Variants in AFG1L observed in about 807,000 individuals in gnomAD.
AFG1L encodes the protein AFG1 like ATPase.
AFG1L carries 53 observed loss-of-function variants against 62.2 expected under a neutral mutation model. The observed-to-expected ratio is 0.85, with a 90% confidence interval of 0.68 to 1.07. The LOEUF (loss-of-function observed/expected upper bound fraction) is 1.07, where lower values mean the gene tolerates loss of function less well. Ranked by LOEUF, AFG1L falls within the 50% of genes least tolerant of loss-of-function variation. AFG1L has a pLI of 0.00. For synonymous variants in AFG1L, 228 were observed against 210.3 expected, an observed-to-expected ratio of 1.08 and a Z score of -0.73; for missense variants, 555 against 590.5, an observed-to-expected ratio of 0.94 and a Z score of 0.62.
intron 11 of AFG1L, among the ~76,000 whole-genome samples, chr6:108,511,124 A>G (rs1418868299): frequency 1.7e-4 from 25 of 148,542 alleles, no homozygotes; most frequent in Non-Finnish European, 4.5e-5. Flanking sequence ...GAAGAAGTAG[A>G]AGGAGGAGGA....
chr6:108,503,392 A>G (rs1774277875), intron 10 of AFG1L, among the ~76,000 whole-genome samples: 1 of 152,240 alleles, frequency 6.6e-6, no homozygotes, highest in Non-Finnish European at 1.5e-5. Flanking sequence ...AACAGTCATG[A>G]AAACAACATT....
At chr6:108,494,631 T>C (rs28434165) in intron 10 of AFG1L, among the ~76,000 whole-genome samples, 7 of 152,140 alleles carry the variant, frequency 4.6e-5, no homozygotes, top group Non-Finnish European at 1.0e-4. Flanking sequence ...TCTAGAATGG[T>C]GAGATATTTC....
At chr6:108,495,594 A>ATTGG (rs1773943803) in intron 10 of AFG1L, among the ~76,000 whole-genome samples, 1 of 152,252 alleles carries the variant, frequency 6.6e-6, no homozygotes, top group South Asian at 2.1e-4. Context: ...GGTCGATACC[A>ATTGG]AAGCAGACAA....
chr6:108,429,649 C>A (rs931934240), intron 7 of AFG1L, among the ~76,000 whole-genome samples: 1 of 152,088 alleles, frequency 6.6e-6, no homozygotes, highest in South Asian at 2.1e-4. Flanking sequence ...TACTTTTATA[C>A]CAGTACCATG....
chr6:108,436,513 G>A (rs1001158779), intron 7 of AFG1L, among the ~76,000 whole-genome samples: 2 of 152,204 alleles, frequency 1.3e-5, no homozygotes, highest in African/African-American at 4.8e-5. Flanking sequence ...AAGCAAGCAA[G>A]TTTGGGCCTT....
chr6:108,376,138 C>T (rs1375149145), intron 6 of AFG1L, among the ~76,000 whole-genome samples: 1 of 152,072 alleles, frequency 6.6e-6, no homozygotes, highest in Non-Finnish European at 1.5e-5. Context: ...TTTTGTATTT[C>T]TGTGGGATTG....
chr6:108,383,967 A>C (rs989528340), intron 6 of AFG1L, among the ~76,000 whole-genome samples: 14 of 151,630 alleles, frequency 9.2e-5, no homozygotes, highest in African/African-American at 2.9e-4. Flanking sequence ...CCTCTTCAGT[A>C]TATGTAAGGC....
intron 10 of AFG1L, among the ~76,000 whole-genome samples, chr6:108,485,493 T>C (rs1019373209): frequency 2.0e-5 from 3 of 150,788 alleles, no homozygotes; most frequent in Non-Finnish European, 2.9e-5. Flanking sequence ...CATGTTTGTT[T>C]TCAGGTCACT....
At chr6:108,394,922 A>G (rs1380876232) in intron 6 of AFG1L, among the ~76,000 whole-genome samples, 1 of 152,164 alleles carries the variant, frequency 6.6e-6, no homozygotes, top group Non-Finnish European at 1.5e-5. Context: ...TTCCTCAGCA[A>G]CTTGGCAATT....
At chr6:108,449,751 C>A (rs569718707) in intron 8 of AFG1L, among the ~76,000 whole-genome samples, 53 of 152,226 alleles carry the variant, frequency 3.5e-4, no homozygotes, top group Non-Finnish European at 6.0e-4. Flanking sequence ...TCCCTTCCCC[C>A]TCTCCCCACC....
intron 3 of AFG1L, among the ~76,000 whole-genome samples, chr6:108,353,969 A>G (rs990385000): frequency 1.1e-4 from 16 of 152,322 alleles, no homozygotes; most frequent in African/African-American, 3.8e-4. Context: ...TAAGACTTAG[A>G]TCTTCCTACT....
At chr6:108,333,440 C>G (rs1193959456) in intron 2 of AFG1L, among the ~76,000 whole-genome samples, 1 of 151,730 alleles carries the variant, frequency 6.6e-6, no homozygotes, top group Admixed American at 6.6e-5. Flanking sequence ...GGATCGCTCT[C>G]TAGAATACAT....
chr6:108,433,838 C>A (rs979276770), intron 7 of AFG1L, among the ~76,000 whole-genome samples: 2 of 152,204 alleles, frequency 1.3e-5, no homozygotes, highest in Non-Finnish European at 2.9e-5. Context: ...GGTGATCTGC[C>A]CGCCTCTGCC....
At chr6:108,486,470 A>C (rs750913682) in intron 10 of AFG1L, among the ~76,000 whole-genome samples, 2 of 152,232 alleles carry the variant, frequency 1.3e-5, no homozygotes, top group Admixed American at 6.5e-5. Context: ...AGAAATTGTT[A>C]GAATATGCTA....
intron 2 of AFG1L, among the ~76,000 whole-genome samples, chr6:108,325,934 G>A (rs1370977069): frequency 6.6e-6 from 1 of 151,962 alleles, no homozygotes; most frequent in Non-Finnish European, 1.5e-5. Context: ...CTGCCACCAT[G>A]CCTGGCTAAT....
chr6:108,434,116 A>G (rs1771201692), intron 7 of AFG1L, among the ~76,000 whole-genome samples: 1 of 152,210 alleles, frequency 6.6e-6, no homozygotes, highest in Admixed American at 6.5e-5. Context: ...GGAGCTATGA[A>G]TATTTATGAA....
intron 6 of AFG1L, among the ~76,000 whole-genome samples, chr6:108,390,018 T>G (rs1780976303): frequency 6.6e-6 from 1 of 152,212 alleles, no homozygotes; most frequent in Admixed American, 6.5e-5. Flanking sequence ...GGTACACCAA[T>G]CAGACGTAGA....
chr6:108,485,174 G>A (rs983860558), intron 10 of AFG1L, among the ~76,000 whole-genome samples: 27 of 152,166 alleles, frequency 1.8e-4, no homozygotes, highest in African/African-American at 6.5e-4. Flanking sequence ...ACTGAGGCAA[G>A]AGCAGCTTCT....
intron 5 of AFG1L, among the ~76,000 whole-genome samples, chr6:108,357,252 A>G (rs1779328908): frequency 6.6e-6 from 1 of 152,086 alleles, no homozygotes; most frequent in Admixed American, 6.6e-5. Context: ...AAATTTTTAA[A>G]AACAATTTTG....
Sources: gnomAD v4.1 joint callset for allele counts (sites outside exome capture counted in the v4.1 genomes callset) on GRCh38, gnomAD v4.1.1 for gene constraint, MANE v1.5 for transcripts, NCBI Gene and HGNC (gene_info 2026-07-23, HGNC 2026-07-21) for gene names.